The following MEIOB variants were observed in gnomAD, a reference collection of about 807,000 sequenced individuals.
MEIOB encodes meiosis specific with OB-fold.
In MEIOB, 50 loss-of-function variants were observed where a neutral mutation model predicts 53.1. That is an observed-to-expected ratio of 0.94 (90% CI 0.75 to 1.19). The LOEUF is 1.19. Among genes scored for constraint, MEIOB ranks in the 50% most tolerant of loss-of-function variants. The pLI, the probability that MEIOB is intolerant of heterozygous loss-of-function variation, is 0.00. For synonymous variants in MEIOB, 192 were observed against 182.5 expected (o/e 1.05, Z -0.42); for missense variants, 551 against 550.8 (o/e 1.00, Z 0.00).
intron 5 of MEIOB, among the ~76,000 whole-genome samples, chr16:1,859,293 G>A (rs1449195849): frequency 6.6e-6 from 1 of 152,218 alleles, no homozygotes; most frequent in African/African-American, 2.4e-5. Context: ...TGTAATCCCA[G>A]CCCTTTGGGA....
chr16:1,838,134 G>A (rs1898799225), intron 12 of MEIOB: 4 of 575,178 alleles, frequency 7.0e-6, no homozygotes, highest in Non-Finnish European at 1.2e-5. Flanking sequence ...TGAGGTTACA[G>A]GTATGCACTA....
chr16:1,862,140 T>C (rs1249435160), intron 3 of MEIOB, 24 bp from the exon 4 acceptor site: 2 of 1,536,648 alleles, frequency 1.3e-6, no homozygotes, highest in Non-Finnish European at 1.8e-6. Flanking sequence ...AATGCTTTTA[T>C]TTTTCAAATG....
chr16:1,848,682 A>G (rs1465130431), intron 9 of MEIOB, among the ~76,000 whole-genome samples: 1 of 151,802 alleles, frequency 6.6e-6, no homozygotes, highest in Non-Finnish European at 1.5e-5. Flanking sequence ...AGCTGGGACT[A>G]TAGGCACCAT....
chr16:1,841,978 A>G lies in MEIOB; in HGVS notation c.881-5T>C. 5 of 1,537,808 alleles carry G rather than the reference A, an allele frequency of 3.3e-6. No homozygotes were observed. Among genetic ancestry groups the G allele is most frequent in the Non-Finnish European group, 4.4e-6 (5 of 1,141,966 alleles). Reference sequence around the variant, plus strand: ...AGACATCAACTATTGTACTTACTAAAAACAGAAAGAAGTATTACAGTTCTG... The same window carrying G: ...AGACATCAACTATTGTACTTACTAAGAACAGAAAGAAGTATTACAGTTCTG... On this transcript the variant is annotated splice_region_variant and splice_polypyrimidine_tract_variant and intron_variant, in intron 10 of 13. Transcript: ENST00000325962.
chr16:1,854,314 C>G (rs145747323), intron 6 of MEIOB, 114 bp from the exon 7 acceptor site: 3 of 634,002 alleles, frequency 4.7e-6, no homozygotes, highest in East Asian at 2.8e-5. Context: ...AAATATTAAA[C>G]TAGCAAGAAC....
intron 10 of MEIOB, among the ~76,000 whole-genome samples, chr16:1,844,297 T>G (rs1295072607): frequency 6.6e-6 from 1 of 151,550 alleles, no homozygotes; most frequent in Non-Finnish European, 1.5e-5. Context: ...TCATTTTTTG[T>G]ATTTTTAGTA....
chr16:1,858,019 T>G (rs549555081), intron 5 of MEIOB, 89 bp from the exon 6 acceptor site: 1 of 820,842 alleles, frequency 1.2e-6, no homozygotes, highest in African/African-American at 1.7e-5. Flanking sequence ...ACATTTTTCA[T>G]TGAAATTTAG....
At chr16:1,869,619 G>C (rs1210773653) in intron 1 of MEIOB, among the ~76,000 whole-genome samples, 2 of 149,912 alleles carry the variant, frequency 1.3e-5, no homozygotes. Flanking sequence ...GGCTAATTTT[G>C]TTTTTGCATT....
chr16:1,853,539 C>G (rs1444000060), intron 7 of MEIOB, among the ~76,000 whole-genome samples: 3 of 152,200 alleles, frequency 2.0e-5, no homozygotes, highest in Non-Finnish European at 4.4e-5. Context: ...CTTAATCACT[C>G]CAGGCTAGTT....
chr16:1,843,140 A>G (rs1457055778), intron 10 of MEIOB, among the ~76,000 whole-genome samples: 1 of 150,920 alleles, frequency 6.6e-6, no homozygotes, highest in Non-Finnish European at 1.5e-5. Flanking sequence ...TAAAAATACA[A>G]AGAATTAGCC....
At chr16:1,863,260 C>G (rs939015140) in intron 3 of MEIOB, among the ~76,000 whole-genome samples, 1 of 151,882 alleles carries the variant, frequency 6.6e-6, no homozygotes, top group Non-Finnish European at 1.5e-5. Context: ...CGCGATCTCT[C>G]GGCTCACTGC....
intron 6 of MEIOB, among the ~76,000 whole-genome samples, chr16:1,857,071 T>A (rs1392702553): frequency 6.6e-6 from 1 of 152,208 alleles, no homozygotes. Flanking sequence ...CTAATTTTCA[T>A]GTACTTTATT....
intron 10 of MEIOB, among the ~76,000 whole-genome samples, chr16:1,843,222 G>A (rs1422717476): frequency 1.3e-5 from 2 of 151,536 alleles, no homozygotes; most frequent in East Asian, 4.0e-4. Context: ...GAACCCGGGA[G>A]GCGGAGCTTG....
At chr16:1,871,483 T>A (rs1417364634) in intron 1 of MEIOB, among the ~76,000 whole-genome samples, 1 of 138,450 alleles carries the variant, frequency 7.2e-6, no homozygotes, top group Non-Finnish European at 1.6e-5. Flanking sequence ...CCTCCCAAAG[T>A]GCTGGGATTA....
chr16:1,851,530 A>T (rs1336241790), intron 9 of MEIOB, among the ~76,000 whole-genome samples: 2 of 152,174 alleles, frequency 1.3e-5, no homozygotes, highest in African/African-American at 2.4e-5. Context: ...GTTGCACCCC[A>T]GAACAGCACC....
At chr16:1,852,388 G>A (rs1173039953) in intron 9 of MEIOB, among the ~76,000 whole-genome samples, 9 of 150,316 alleles carry the variant, frequency 6.0e-5, no homozygotes, top group African/African-American at 1.7e-4. Context: ...TTAGCTTCCC[G>A]AGTAGCTGGT....
chr16:1,869,743 G>A (rs944037895), intron 1 of MEIOB, among the ~76,000 whole-genome samples: 4 of 151,916 alleles, frequency 2.6e-5, no homozygotes, highest in African/African-American at 7.2e-5. Context: ...GAGCCACCAC[G>A]CCCGGCCTCA....
chr16:1,839,085 T>C (rs1223344709), intron 12 of MEIOB, among the ~76,000 whole-genome samples, 170 bp downstream of exon 12: 1 of 152,256 alleles, frequency 6.6e-6, no homozygotes, highest in East Asian at 1.9e-4. Flanking sequence ...ATAAAATATG[T>C]AACATTTGTT....
At chr16:1,863,252 C>T (rs923633322) in intron 3 of MEIOB, among the ~76,000 whole-genome samples, 18 of 151,898 alleles carry the variant, frequency 1.2e-4, no homozygotes, top group African/African-American at 2.7e-4. Context: ...TTCAGTGACG[C>T]GATCTCTCGG....
Sources: gnomAD v4.1 joint callset for allele counts (sites outside exome capture counted in the v4.1 genomes callset) on GRCh38, gnomAD v4.1.1 for gene constraint, MANE v1.5 for transcripts, NCBI Gene and HGNC (gene_info 2026-07-23, HGNC 2026-07-21) for gene names.